The following LDAH variants were observed in gnomAD, a reference collection of about 807,000 sequenced individuals.
LDAH encodes lipid droplet-associated hydrolase.
In LDAH, 26 loss-of-function variants were observed where a neutral mutation model predicts 29.6. That is an observed-to-expected ratio of 0.88 (90% CI 0.64 to 1.22). LDAH has a LOEUF of 1.22. LDAH is among the 50% of genes most tolerant of loss of function. The pLI is 0.00. For missense variants in LDAH, 344 were observed against 387.3 expected (o/e 0.89, Z 0.94); for synonymous variants, 117 against 133.0 (o/e 0.88, Z 0.83).
Position 20,685,172 on chromosome 2 carries a change from G to A in LDAH, c.*1731C>T, listed in dbSNP as rs371288732. On this transcript the variant is annotated 3_prime_UTR_variant, in exon 7 of 7. Transcript: ENST00000237822. The stretch of plus-strand genomic sequence containing the variant: ...CCAGAAATAAGACACAATTTCATAC[G>A]TGCAGACTTTTGAAATATGGAGTAA... 36 of 503,620 alleles carry A rather than the reference G, an allele frequency of 7.1e-5. No individual in the cohort carries two copies. Among genetic ancestry groups the A allele is most frequent in the African/African-American group, 4.7e-4 (24 of 51,020 alleles). 31.2% of individuals were successfully genotyped at this position (503,620 alleles called of 1,614,324 possible). A position where few individuals can be genotyped will look rare whatever the true frequency, so the allele number is the denominator to read the frequency against.
At chr2:20,775,297 T>C (rs1323651963) in intron 3 of LDAH, among the ~76,000 whole-genome samples, 3 of 152,206 alleles carry the variant, frequency 2.0e-5, no homozygotes, top group African/African-American at 7.2e-5. Context: ...CCATGAACTT[T>C]CAATAATTCT....
chr2:20,693,465 C>T (rs1424558396), intron 6 of LDAH, among the ~76,000 whole-genome samples: 1 of 152,092 alleles, frequency 6.6e-6, no homozygotes, highest in Non-Finnish European at 1.5e-5. Flanking sequence ...AAAAAATGTA[C>T]ATGTCATATT....
intron 4 of LDAH, among the ~76,000 whole-genome samples, chr2:20,768,621 G>A (rs868624596): frequency 1.8e-4 from 27 of 152,184 alleles, no homozygotes; most frequent in African/African-American, 5.8e-4. Context: ...AGGCAGAGTC[G>A]GTGGAACGAG....
intron 6 of LDAH, among the ~76,000 whole-genome samples, chr2:20,697,636 C>CA (rs1354226233): frequency 1.3e-5 from 2 of 152,196 alleles, no homozygotes; most frequent in Non-Finnish European, 2.9e-5. Context: ...TTCAGTGTGG[C>CA]ATATCATGAC....
chr2:20,793,253 T>C (rs1314698336), intron 2 of LDAH, among the ~76,000 whole-genome samples: 1 of 151,424 alleles, frequency 6.6e-6, no homozygotes, highest in Non-Finnish European at 1.5e-5. Context: ...ATAAACAGGG[T>C]CACATGATAG....
intron 4 of LDAH, among the ~76,000 whole-genome samples, chr2:20,755,907 T>C (rs1399054400): frequency 6.6e-6 from 1 of 152,168 alleles, no homozygotes; most frequent in African/African-American, 2.4e-5. Flanking sequence ...AGAAAAAATA[T>C]GTACACTGGA....
chr2:20,713,793 C>G (rs139383463), intron 5 of LDAH, among the ~76,000 whole-genome samples: 2 of 152,066 alleles, frequency 1.3e-5, no homozygotes, highest in African/African-American at 4.8e-5. Flanking sequence ...AAGGCCATTA[C>G]GTAACGGTAA....
At chr2:20,736,021 G>GGAAA (rs1666756164) in intron 5 of LDAH, among the ~76,000 whole-genome samples, 4 of 152,174 alleles carry the variant, frequency 2.6e-5, no homozygotes, top group Admixed American at 6.5e-5. Context: ...CGTAGAGCAG[G>GGAAA]GAAAGAGAGG....
chr2:20,805,825 CAT>C, intron 1 of LDAH, among the ~76,000 whole-genome samples: 1 of 151,918 alleles, frequency 6.6e-6, no homozygotes, highest in Admixed American at 6.5e-5. Flanking sequence ...ATAATACAAA[CAT>C]ATAAAGTCAT....
chr2:20,708,323 A>G (rs1029636366), intron 5 of LDAH, among the ~76,000 whole-genome samples: 1 of 152,134 alleles, frequency 6.6e-6, no homozygotes, highest in Non-Finnish European at 1.5e-5. Context: ...CCTAAACCAA[A>G]TGCCATTCTG....
intron 1 of LDAH, among the ~76,000 whole-genome samples, chr2:20,810,794 T>C (rs1672421650): frequency 6.6e-6 from 1 of 152,144 alleles, no homozygotes; most frequent in Admixed American, 6.5e-5. Flanking sequence ...GAGCTCCGCC[T>C]CATGTTAGAT....
intron 1 of LDAH, among the ~76,000 whole-genome samples, chr2:20,807,186 A>T (rs1347331151): frequency 6.6e-6 from 1 of 152,096 alleles, no homozygotes; most frequent in African/African-American, 2.4e-5. Flanking sequence ...ACAAACAAAC[A>T]AACAAAAAAA....
chr2:20,780,661 G>C (rs1309346617), intron 3 of LDAH, among the ~76,000 whole-genome samples: 1 of 152,150 alleles, frequency 6.6e-6, no homozygotes, highest in Non-Finnish European at 1.5e-5. Flanking sequence ...GCCAAGAGAG[G>C]AGCGCACAAT....
intron 5 of LDAH, among the ~76,000 whole-genome samples, chr2:20,705,201 G>T (rs1361396349): frequency 6.6e-6 from 1 of 152,184 alleles, no homozygotes; most frequent in East Asian, 1.9e-4. Flanking sequence ...GCTGAAAGGG[G>T]CTTACCCTCA....
intron 5 of LDAH, among the ~76,000 whole-genome samples, chr2:20,730,845 T>C (rs1436593398): frequency 1.3e-5 from 2 of 152,206 alleles, no homozygotes; most frequent in Admixed American, 6.5e-5. Context: ...CAAAAATCAG[T>C]TGGGCACACT....
chr2:20,808,975 T>C (rs140064210), intron 1 of LDAH, among the ~76,000 whole-genome samples: 1 of 152,308 alleles, frequency 6.6e-6, no homozygotes, highest in Non-Finnish European at 1.5e-5. Flanking sequence ...GTACTAGGTA[T>C]ATTATAGATC....
At chr2:20,715,652 T>A (rs563820561) in intron 5 of LDAH, among the ~76,000 whole-genome samples, 2 of 152,244 alleles carry the variant, frequency 1.3e-5, no homozygotes, top group South Asian at 4.1e-4. Context: ...AGCCCAAAAT[T>A]TCCTTAAGCT....
intron 6 of LDAH, among the ~76,000 whole-genome samples, chr2:20,694,700 G>A (rs1299672131): frequency 6.6e-6 from 1 of 152,232 alleles, no homozygotes; most frequent in Non-Finnish European, 1.5e-5. Context: ...GCACAGAGGG[G>A]AGCGGTGGGA....
intron 4 of LDAH, among the ~76,000 whole-genome samples, chr2:20,765,301 A>G (rs1668955131): frequency 6.6e-6 from 1 of 152,136 alleles, no homozygotes; most frequent in Non-Finnish European, 1.5e-5. Context: ...TCTTCCTTAA[A>G]TTATTATGTG....
Sources: allele counts gnomAD v4.1 joint callset (sites outside exome capture counted in the v4.1 genomes callset), GRCh38; gene constraint gnomAD v4.1.1; transcripts MANE v1.5; gene names NCBI Gene and HGNC (gene_info 2026-07-23, HGNC 2026-07-21).